The following MGMT variants were observed in gnomAD, a reference collection of about 807,000 sequenced individuals.
MGMT encodes methylated-DNA--protein-cysteine methyltransferase.
MGMT carries 14 observed loss-of-function variants against 15.9 expected under a neutral mutation model. The ratio of observed to expected loss-of-function variants is 0.88; its 90% CI spans 0.58 to 1.37. MGMT has a LOEUF of 1.37. Among genes scored for constraint, MGMT ranks in the 40% most tolerant of loss-of-function variants. The pLI, the probability that MGMT is intolerant of heterozygous loss-of-function variation, is 0.00. For missense variants in MGMT, 282 were observed against 268.1 expected (o/e 1.05, Z -0.36); for synonymous variants, 130 against 118.2 (o/e 1.10, Z -0.65).
chr10:129,583,028 A>G (rs1019358263), intron 2 of MGMT, among the ~76,000 whole-genome samples: 1 of 152,208 alleles, frequency 6.6e-6, no homozygotes, highest in African/African-American at 2.4e-5. Flanking sequence ...AACACAAAAG[A>G]TGAACCATCT....
At chr10:129,757,962 A>G (rs1228663979) in intron 3 of MGMT, among the ~76,000 whole-genome samples, 1 of 152,264 alleles carries the variant, frequency 6.6e-6, no homozygotes, top group Non-Finnish European at 1.5e-5. Flanking sequence ...GTTTGAAATT[A>G]TATCATAAAA....
intron 3 of MGMT, among the ~76,000 whole-genome samples, chr10:129,712,420 A>G (rs982833714): frequency 7.2e-5 from 11 of 152,244 alleles, no homozygotes; most frequent in African/African-American, 2.4e-4. Flanking sequence ...CAGTTGCATG[A>G]CAGCAGTAAA....
chr10:129,759,395 A>T (rs1589979866), intron 4 of MGMT, 54 bp downstream of exon 4: 1 of 1,611,624 alleles, frequency 6.2e-7, no homozygotes, highest in Non-Finnish European at 8.5e-7. Flanking sequence ...TGCAGGTGGC[A>T]GGGTGTCATC....
intron 2 of MGMT, among the ~76,000 whole-genome samples, chr10:129,620,353 T>G (rs1276131756): frequency 6.6e-6 from 1 of 152,238 alleles, no homozygotes; most frequent in East Asian, 1.9e-4. Context: ...TGGGTCAGGT[T>G]GTTTTGGCGT....
chr10:129,723,906 C>T (rs1848403535), intron 3 of MGMT, among the ~76,000 whole-genome samples: 1 of 152,174 alleles, frequency 6.6e-6, no homozygotes, highest in African/African-American at 2.4e-5. Flanking sequence ...GCAGCCTCGC[C>T]TCTCGTATAC....
chr10:129,711,665 A>G (rs1385190089), intron 3 of MGMT, among the ~76,000 whole-genome samples: 1 of 152,098 alleles, frequency 6.6e-6, no homozygotes, highest in African/African-American at 2.4e-5. Flanking sequence ...TTGGTTTGCT[A>G]TTCTGGTTTT....
At chr10:129,619,601 C>T (rs1847067978) in intron 2 of MGMT, among the ~76,000 whole-genome samples, 1 of 151,870 alleles carries the variant, frequency 6.6e-6, no homozygotes, top group Non-Finnish European at 1.5e-5. Context: ...ACATCTGGGC[C>T]TGGAATTTTC....
chr10:129,479,796 G>T (rs982907190), intron 1 of MGMT, among the ~76,000 whole-genome samples: 1 of 150,070 alleles, frequency 6.7e-6, no homozygotes, highest in African/African-American at 2.5e-5. Context: ...TGGGGTGGGG[G>T]TGGAGTGGTG....
At position 129,727,711 on chromosome 10, in the gene MGMT, G is replaced by A. The variant is rs543085543; in HGVS notation, c.274+19668G>A. On this transcript the variant is annotated intron_variant, in intron 3 of 4. Coordinates refer to ENST00000651593, the MANE Select transcript of MGMT (RefSeq NM_002412.5). ...CTTGTGTACAAATGCTGTAGGAGATGCAAAGGTGACTCGCAGCATCCCCCA... is the reference window on the plus strand; with the variant it reads ...CTTGTGTACAAATGCTGTAGGAGATACAAAGGTGACTCGCAGCATCCCCCA... Among the ~76,000 whole-genome samples the A allele has an allele frequency of 5.9e-5, 9 of 152,300 alleles. No homozygotes were observed. The South Asian group carries it at 1.7e-3, about 28-fold the overall frequency.
At chr10:129,551,313 A>G (rs1189068461) in intron 2 of MGMT, among the ~76,000 whole-genome samples, 1 of 152,196 alleles carries the variant, frequency 6.6e-6, no homozygotes, top group Non-Finnish European at 1.5e-5. Flanking sequence ...CCTTGTCACC[A>G]TCTCCTTTAT....
intron 2 of MGMT, among the ~76,000 whole-genome samples, chr10:129,693,103 T>C (rs1410406705): frequency 6.6e-6 from 1 of 152,248 alleles, no homozygotes; most frequent in Non-Finnish European, 1.5e-5. Flanking sequence ...TGATGGATTA[T>C]TCTTGTACCT....
At chr10:129,598,672 A>G (rs1455412857) in intron 2 of MGMT, among the ~76,000 whole-genome samples, 1 of 152,204 alleles carries the variant, frequency 6.6e-6, no homozygotes, top group African/African-American at 2.4e-5. Context: ...AAGAATATTT[A>G]TGGTTGGAAT....
intron 3 of MGMT, among the ~76,000 whole-genome samples, chr10:129,740,322 G>A (rs1848616819): frequency 6.6e-6 from 1 of 152,174 alleles, no homozygotes; most frequent in African/African-American, 2.4e-5. Flanking sequence ...TGTTTTTAAA[G>A]CCTGAGAGAG....
intron 3 of MGMT, among the ~76,000 whole-genome samples, chr10:129,715,828 C>A (rs1033655896): frequency 6.6e-6 from 1 of 152,204 alleles, no homozygotes; most frequent in Non-Finnish European, 1.5e-5. Context: ...TAAATGCTTT[C>A]ACACATACGG....
chr10:129,742,387 G>T (rs1001183425), intron 3 of MGMT, among the ~76,000 whole-genome samples: 3 of 152,256 alleles, frequency 2.0e-5, no homozygotes, highest in African/African-American at 7.2e-5. Flanking sequence ...CCACCTCGGT[G>T]CGCGACCCGG....
At chr10:129,719,287 A>G (rs1848339876) in intron 3 of MGMT, among the ~76,000 whole-genome samples, 1 of 152,240 alleles carries the variant, frequency 6.6e-6, no homozygotes, top group Admixed American at 6.5e-5. Flanking sequence ...CTGCTCAGAT[A>G]TACTGTCACC....
At chr10:129,765,792 G>T (rs1848926902) in intron 4 of MGMT, among the ~76,000 whole-genome samples, 1 of 152,146 alleles carries the variant, frequency 6.6e-6, no homozygotes, top group South Asian at 2.1e-4. Flanking sequence ...CTTGTCGGTG[G>T]TCAGTGACTC....
intron 1 of MGMT, among the ~76,000 whole-genome samples, chr10:129,510,060 G>A (rs746703226): frequency 2.6e-5 from 4 of 152,176 alleles, no homozygotes; most frequent in Non-Finnish European, 4.4e-5. Context: ...GGTTCTTCCC[G>A]CAGGGTGCTG....
chr10:129,523,874 T>C (rs1360121709), intron 1 of MGMT, among the ~76,000 whole-genome samples: 1 of 152,210 alleles, frequency 6.6e-6, no homozygotes, highest in Admixed American at 6.5e-5. Flanking sequence ...CCAGGCGTCC[T>C]GGAGTTAGGG....
Sources: allele counts gnomAD v4.1 joint callset (sites outside exome capture counted in the v4.1 genomes callset), GRCh38; gene constraint gnomAD v4.1.1; transcripts MANE v1.5; gene names NCBI Gene and HGNC (gene_info 2026-07-23, HGNC 2026-07-21).